Variants in PLOD2 observed in about 807,000 individuals in gnomAD.
The protein encoded by PLOD2 is lysine hydroxylase 2.
A neutral mutation model predicts 101.0 loss-of-function variants in PLOD2; 65 were observed. The observed-to-expected ratio is 0.64, with a 90% CI of 0.53 to 0.79. PLOD2 has a LOEUF of 0.79. PLOD2 is among the 30% of genes least tolerant of loss of function. The probability of loss-of-function intolerance (pLI) is 0.00; values close to 1 mark genes in which losing one functional copy is unlikely to be tolerated. For synonymous variants in PLOD2, 314 were observed against 302.9 expected, an observed-to-expected ratio of 1.04 and a Z score of -0.38; for missense variants, 909 against 914.6, an observed-to-expected ratio of 0.99 and a Z score of 0.08.
rs9289715 is a variant in PLOD2 at position 146,106,326 on chromosome 3, T to C, written c.615+206A>G. On this transcript the variant is annotated intron_variant, in intron 5 of 19. Coordinates refer to ENST00000282903, the MANE Select transcript of PLOD2 (RefSeq NM_182943.3). ...CAACTTGGCCACAAAAGAGAAGCCATAAAGACATACTAAGCTAGTGCTGAT... is the reference window on the plus strand; with the variant it reads ...CAACTTGGCCACAAAAGAGAAGCCACAAAGACATACTAAGCTAGTGCTGAT... 0.5 allele frequency among the ~76,000 whole-genome samples: 76,602 copies of C among 152,036 alleles called. 19,379 individuals are homozygous for C. The highest frequency in any genetic ancestry group is 0.56 in the East Asian group (2,913 of 5,166).
chr3:146,160,961 A>G lies in PLOD2; in HGVS notation c.29T>C (p.Leu10Pro). 1 of 1,597,472 alleles carries G rather than the reference A, an allele frequency of 6.3e-7. No individual in the cohort carries two copies. The highest frequency in any genetic ancestry group is 2.3e-5 in the East Asian group (1 of 44,166). Residue 10 changes from leucine (L) to proline (P), a missense_variant, in exon 1 of 20, where the codon CTG becomes CCG. Coordinates refer to ENST00000282903, the MANE Select transcript of PLOD2 (RefSeq NM_182943.3). ...GTGGAGGACGAGCGCCAGGAGCAGC[A>G]GCTGAGGCTTCACCGTGCATCCCCC... MGGCTVKPQ[L>P]LLLALVLHPW... is the part of the protein sequence containing the mutation.
chr3:146,116,086 C>T (rs1171106976), intron 3 of PLOD2, among the ~76,000 whole-genome samples: 4 of 152,110 alleles, frequency 2.6e-5, no homozygotes, highest in Non-Finnish European at 4.4e-5. Context: ...TATAATCATC[C>T]AAACTATTAG....
chr3:146,100,179 C>T (rs981678680), intron 7 of PLOD2, among the ~76,000 whole-genome samples: 2 of 152,138 alleles, frequency 1.3e-5, no homozygotes, highest in Non-Finnish European at 2.9e-5. Flanking sequence ...CCATGCCCAG[C>T]CAACCAATAG....
chr3:146,081,672 A>G, intron 12 of PLOD2, 66 bp downstream of exon 12: 1 of 1,417,666 alleles, frequency 7.1e-7, no homozygotes, highest in Non-Finnish European at 9.9e-7. Context: ...ATTTCAAGTA[A>G]TACTAACAAG....
chr3:146,152,282 T>A (rs746713024), intron 1 of PLOD2, among the ~76,000 whole-genome samples: 10 of 152,048 alleles, frequency 6.6e-5, no homozygotes, highest in Non-Finnish European at 1.3e-4. Flanking sequence ...TACCTGGCCG[T>A]GGTGGCACGC....
chr3:146,091,103 A>C (rs1214021315), intron 8 of PLOD2, among the ~76,000 whole-genome samples: 1 of 151,910 alleles, frequency 6.6e-6, no homozygotes, highest in Non-Finnish European at 1.5e-5. Flanking sequence ...CCCTCAAAAC[A>C]TGAATGATAA....
At chr3:146,150,661 C>A (rs960373939) in intron 1 of PLOD2, among the ~76,000 whole-genome samples, 1 of 152,014 alleles carries the variant, frequency 6.6e-6, no homozygotes, top group Non-Finnish European at 1.5e-5. Flanking sequence ...ATAGTCTGTA[C>A]AACAAACTCC....
chr3:146,107,973 A>G (rs1339495455), intron 4 of PLOD2, among the ~76,000 whole-genome samples: 5 of 151,908 alleles, frequency 3.3e-5, no homozygotes, highest in African/African-American at 1.2e-4. Flanking sequence ...GGAGAAGACA[A>G]TACATTTTTT....
intron 7 of PLOD2, among the ~76,000 whole-genome samples, chr3:146,094,562 C>A (rs1303538855): frequency 6.6e-6 from 1 of 152,262 alleles, no homozygotes; most frequent in African/African-American, 2.4e-5. Flanking sequence ...GAATTACAAA[C>A]CACTGCTCAA....
intron 7 of PLOD2, among the ~76,000 whole-genome samples, chr3:146,099,265 C>A (rs944726993): frequency 7.9e-5 from 12 of 152,056 alleles, no homozygotes; most frequent in Admixed American, 6.5e-4. Flanking sequence ...TGTGATATGT[C>A]CTTTAGTCAC....
chr3:146,108,511 T>G (rs370893889), intron 4 of PLOD2, among the ~76,000 whole-genome samples: 30 of 152,218 alleles, frequency 2.0e-4, no homozygotes, highest in Non-Finnish European at 3.2e-4. Flanking sequence ...CTAAATAGTA[T>G]GCCCACAAAC....
At chr3:146,131,400 C>G (rs1242467702) in intron 1 of PLOD2, among the ~76,000 whole-genome samples, 1 of 152,152 alleles carries the variant, frequency 6.6e-6, no homozygotes, top group African/African-American at 2.4e-5. Context: ...TAGCTACAGT[C>G]AGAAAGTCTT....
At chr3:146,131,241 A>G (rs1168762773) in intron 1 of PLOD2, among the ~76,000 whole-genome samples, 1 of 152,200 alleles carries the variant, frequency 6.6e-6, no homozygotes, top group Non-Finnish European at 1.5e-5. Flanking sequence ...GACCTCACCC[A>G]TGTGTTTTTT....
intron 5 of PLOD2, chr3:146,105,058 G>A (rs1326641167): frequency 6.6e-6 from 1 of 152,184 alleles, no homozygotes; most frequent in Non-Finnish European, 1.5e-5. Context: ...ATTAAAACTG[G>A]GAGCTATGGA....
At chr3:146,129,588 T>C (rs547284022) in intron 1 of PLOD2, among the ~76,000 whole-genome samples, 2 of 152,128 alleles carry the variant, frequency 1.3e-5, no homozygotes, top group Admixed American at 6.6e-5. Flanking sequence ...TTAGTATATA[T>C]AAAGCAGTCG....
chr3:146,079,285 A>G lies in PLOD2; in HGVS notation c.1359-28T>C, dbSNP rs545029381. The G allele has an allele frequency of 5.2e-6, 8 of 1,549,422 alleles. No individual in the cohort carries two copies. In the African/African-American group the frequency reaches 1.1e-4, roughly 21 times the overall value. ...GAAAGTAAAGAGAAGACATTCTTAT[A>G]TACCACAAATACAAACAATTTTAAG... On this transcript the variant is annotated intron_variant, in intron 12 of 19. Transcript: ENST00000282903.
Position 146,071,287 on chromosome 3 carries a change from T to C in PLOD2, c.1985A>G (p.Tyr662Cys), listed in dbSNP as rs142664916. 12 of 1,611,994 alleles carry C rather than the reference T, an allele frequency of 7.4e-6. No homozygotes were observed. The highest frequency in any genetic ancestry group is 7.6e-6 in the Non-Finnish European group (9 of 1,178,624). ...APVTLKVFAG[Y>C]YTKGFALLNF... ...TGAGAGGATAACTACCTTCGTATAA[T>C]AGCCTGCAAAGACCTTCAGTGTAAC... The change falls in exon 18 of 20, where the codon TAT becomes TGT. Residue 662 changes from tyrosine (Y) to cysteine (C), a missense_variant. Coordinates refer to ENST00000282903, the MANE Select transcript of PLOD2 (RefSeq NM_182943.3).
rs35069585 is a variant in PLOD2, at chr3:146,126,353, G to GAA, written c.110-2126_110-2125dup. Reference sequence around the variant, plus strand: ...TGATAAGAAAAAAATCTTAGTTGGAGAAAAAAAATAGTGTTGACATGTATC... The same window carrying GAA: ...TGATAAGAAAAAAATCTTAGTTGGAGAAAAAAAAAATAGTGTTGACATGTATC... On this transcript the variant is annotated intron_variant, in intron 1 of 19. Coordinates refer to ENST00000282903, the MANE Select transcript of PLOD2 (RefSeq NM_182943.3). 6.5e-3 allele frequency among the ~76,000 whole-genome samples: 992 copies of GAA among 151,738 alleles called. 7 individuals carry two copies. The highest frequency in any genetic ancestry group is 0.023 in the African/African-American group (936 of 41,362).
chr3:146,159,911 A>T (rs2032489825), intron 1 of PLOD2, among the ~76,000 whole-genome samples: 2 of 152,208 alleles, frequency 1.3e-5, no homozygotes, highest in South Asian at 4.1e-4. Flanking sequence ...CTGCAAACCA[A>T]ATGTCACTTT....
Sources: allele counts gnomAD v4.1 joint callset (sites outside exome capture counted in the v4.1 genomes callset), GRCh38; gene constraint gnomAD v4.1.1; transcripts MANE v1.5; gene names NCBI Gene and HGNC (gene_info 2026-07-23, HGNC 2026-07-21).